REPS2: variants seen among roughly 807,000 people sequenced by gnomAD.
REPS2 encodes RALBP1 associated Eps domain containing 2.
A neutral mutation model predicts 53.6 loss-of-function variants in REPS2; 23 were observed. The observed-to-expected ratio is 0.43, with a 90% confidence interval of 0.31 to 0.61. The LOEUF is 0.61. REPS2 is among the 20% of genes least tolerant of loss of function. REPS2 has a pLI of 0.11. For missense variants in REPS2, 446 were observed against 534.9 expected (o/e 0.83, Z 1.64); for synonymous variants, 238 against 218.6 (o/e 1.09, Z -0.78).
At chrX:17,181,977 C>T in the REPS2 span, among the ~76,000 whole-genome samples, 3 of 111,905 alleles carry the variant, frequency 2.7e-5, no homozygotes, top group Non-Finnish European at 5.6e-5. Context: ...CTTGCTATTC[C>T]CCTATCAACA....
At chrX:17,029,747 A>C (rs1308088306) in intron 5 of REPS2, 124 bp downstream of exon 5, 2 of 454,425 alleles carry the variant, frequency 4.4e-6, no homozygotes, top group Non-Finnish European at 7.6e-6. Context: ...CTTCATGCAA[A>C]TATTGCATGT....
At chrX:17,039,919 C>T (rs1397327801) in intron 5 of REPS2, among the ~76,000 whole-genome samples, 1 of 112,705 alleles carries the variant, frequency 8.9e-6, no homozygotes, top group East Asian at 2.8e-4. Context: ...TGACATTCTT[C>T]TGTGTCTAAG....
intron 13 of REPS2, among the ~76,000 whole-genome samples, chrX:17,088,825 C>T (rs1341662823): frequency 9.1e-6 from 1 of 110,490 alleles, no homozygotes; most frequent in Non-Finnish European, 1.9e-5. Context: ...CCTCGTGATC[C>T]ACCTGCCTCG....
Position 17,147,563 on chromosome X carries a change from A to G in REPS2, c.*82A>G. ...AATGTTTTGAACCCAACTACTTGTC[A>G]TAGATGTTTGACTGTGTCAAAAGCT... is the stretch of plus-strand genomic sequence containing the variant. On this transcript the variant is annotated 3_prime_UTR_variant, in exon 18 of 18. Coordinates refer to ENST00000357277, the MANE Select transcript of REPS2 (RefSeq NM_004726.3). 1 of 780,754 alleles carries G rather than the reference A, an allele frequency of 1.3e-6. No homozygotes were observed. The highest frequency in any genetic ancestry group is 1.9e-6 in the Non-Finnish European group (1 of 536,737). The allele number at this position is 780,754 out of a possible 1,213,427, so 64.3% of individuals were successfully genotyped here. A position where few individuals can be genotyped will look rare whatever the true frequency, so the allele number is the denominator to read the frequency against.
chrX:17,094,890 A>G (rs1045962130), intron 13 of REPS2, among the ~76,000 whole-genome samples: 2 of 110,960 alleles, frequency 1.8e-5, no homozygotes, highest in African/African-American at 3.3e-5. Context: ...TATTTTCCCA[A>G]TACCTTGAAC....
chrX:16,946,738 T>C lies in REPS2; in HGVS notation c.-124T>C, dbSNP rs1245178504. ...CAGCTGCGGGGCGTGGGGGTGGTGG[T>C]GGCGGCGGCGGTGGTGGCGGCGGCG... On this transcript the variant is annotated 5_prime_UTR_variant, in exon 1 of 18. Transcript: ENST00000357277. 73 of 690,076 alleles carry C rather than the reference T, an allele frequency of 1.1e-4. No homozygotes were observed. The African/African-American group carries it at 1.1e-3, about 11-fold the overall frequency. 56.9% of individuals were successfully genotyped at this position (690,076 alleles called of 1,213,427 possible). A position where few individuals can be genotyped will look rare whatever the true frequency, so the allele number is the denominator to read the frequency against.
At chrX:17,057,790 GC>G (rs112343202) in intron 8 of REPS2, among the ~76,000 whole-genome samples, 2,867 of 112,614 alleles carry the variant, frequency 0.025, 96 homozygotes, top group African/African-American at 0.089. Context: ...CATTCTGGGG[GC>G]TATCTTGACG....
chrX:17,174,355 G>T, the REPS2 span, among the ~76,000 whole-genome samples: 1 of 112,244 alleles, frequency 8.9e-6, no homozygotes, highest in East Asian at 2.8e-4. Flanking sequence ...ACCTCTGGTT[G>T]CACAGTGGAA....
At chrX:17,126,527 G>A (rs1248038100) in intron 14 of REPS2, among the ~76,000 whole-genome samples, 3 of 112,221 alleles carry the variant, frequency 2.7e-5, no homozygotes, top group Admixed American at 9.4e-5. Context: ...ATAAATTTGG[G>A]AACTGATGGG....
chrX:17,016,577 T>G (rs1010915506), intron 2 of REPS2, among the ~76,000 whole-genome samples: 2 of 109,825 alleles, frequency 1.8e-5, no homozygotes, highest in Non-Finnish European at 3.8e-5. Context: ...GCCTGGCTAA[T>G]TTTTGTATTT....
intron 1 of REPS2, among the ~76,000 whole-genome samples, chrX:16,959,497 G>A (rs1011243108): frequency 1.1e-4 from 12 of 111,987 alleles, no homozygotes; most frequent in Non-Finnish European, 2.1e-4. Context: ...TGACCCTCTT[G>A]CAGATTCTGC....
intron 13 of REPS2, among the ~76,000 whole-genome samples, chrX:17,093,158 A>G (rs1461364097): frequency 8.5e-5 from 6 of 70,821 alleles, no homozygotes; most frequent in Non-Finnish European, 1.6e-4. Flanking sequence ...AAAATGCATG[A>G]GTTAATGCTA....
At chrX:17,164,315 A>G in the REPS2 span, among the ~76,000 whole-genome samples, 1 of 111,943 alleles carries the variant, frequency 8.9e-6, no homozygotes, top group Non-Finnish European at 1.9e-5. Context: ...TTACAAAAAA[A>G]GCATGATCCT....
intron 1 of REPS2, among the ~76,000 whole-genome samples, chrX:17,005,582 G>A (rs953118697): frequency 1.8e-5 from 2 of 111,432 alleles, no homozygotes; most frequent in African/African-American, 6.5e-5. Flanking sequence ...ATACTGTATC[G>A]GGACAGGGAA....
At chrX:17,174,177 C>G in the REPS2 span, among the ~76,000 whole-genome samples, 7 of 111,831 alleles carry the variant, frequency 6.3e-5, no homozygotes, top group African/African-American at 2.0e-4. Flanking sequence ...GCCTGAACTG[C>G]ATCCCAGCTT....
intron 1 of REPS2, among the ~76,000 whole-genome samples, chrX:16,969,481 C>T (rs768531186): frequency 1.8e-5 from 2 of 108,828 alleles, no homozygotes; most frequent in Non-Finnish European, 3.9e-5. Flanking sequence ...CCCGGCACCT[C>T]GGGAGGCCGA....
At chrX:17,087,374 G>A (rs1753004420) in intron 13 of REPS2, among the ~76,000 whole-genome samples, 1 of 111,826 alleles carries the variant, frequency 8.9e-6, no homozygotes, top group Admixed American at 9.5e-5. Flanking sequence ...TGCCTGGGGA[G>A]GAGTGTATTA....
At chrX:17,022,082 A>T in intron 2 of REPS2, 41 bp from the exon 3 acceptor site, 2 of 1,145,144 alleles carry the variant, frequency 1.7e-6, no homozygotes, top group Non-Finnish European at 2.3e-6. Flanking sequence ...CAGTTTTTAA[A>T]TTAAGTCTGA....
chrX:17,085,513 C>T (rs1016923720), intron 13 of REPS2, among the ~76,000 whole-genome samples: 7 of 112,071 alleles, frequency 6.2e-5, no homozygotes, highest in Non-Finnish European at 1.3e-4. Flanking sequence ...TGCATGAACA[C>T]AGGATGTTTT....
Sources: allele counts gnomAD v4.1 joint callset (sites outside exome capture counted in the v4.1 genomes callset), GRCh38; gene constraint gnomAD v4.1.1; transcripts MANE v1.5; gene names NCBI Gene and HGNC (gene_info 2026-07-23, HGNC 2026-07-21).